Variants in SERTAD2 observed in about 807,000 individuals in gnomAD.
The protein encoded by SERTAD2 is SERTA domain-containing protein 2.
In SERTAD2, 2 loss-of-function variants were observed where a neutral mutation model predicts 15.4. That is an observed-to-expected ratio of 0.13 (90% CI 0.05 to 0.41). SERTAD2 has a LOEUF of 0.41. Ranked by LOEUF, SERTAD2 falls within the 10% of genes least tolerant of loss-of-function variation. The pLI, the probability that SERTAD2 is intolerant of heterozygous loss-of-function variation, is 0.99. For synonymous variants in SERTAD2, 180 were observed against 178.0 expected, an observed-to-expected ratio of 1.01 and a Z score of -0.09; for missense variants, 333 against 409.7, an observed-to-expected ratio of 0.81 and a Z score of 1.62.
chr2:64,635,923 G>C lies in SERTAD2; in HGVS notation c.*4C>G, dbSNP rs1674646618. The C allele has an allele frequency of 3.7e-6, 6 of 1,607,154 alleles. No homozygotes were observed. The East Asian group carries it at 1.3e-4, about 36-fold the overall frequency. On this transcript the variant is annotated 3_prime_UTR_variant, in exon 2 of 2. Coordinates refer to ENST00000313349, the MANE Select transcript of SERTAD2 (RefSeq NM_014755.3). ...GGTGGGCATAGTCGCTGGGTCCCTG[G>C]GTCTTAGGACCCAACAAGCACCTCC...
At chr2:64,640,396 T>A (rs1001209253) in intron 1 of SERTAD2, among the ~76,000 whole-genome samples, 38 of 152,322 alleles carry the variant, frequency 2.5e-4, no homozygotes, top group African/African-American at 8.9e-4. Flanking sequence ...GCCAGGCGCA[T>A]CAGCCCCTCC....
chr2:64,635,325 C>A lies in SERTAD2; in HGVS notation c.*602G>T, dbSNP rs1227189395. The stretch of plus-strand genomic sequence containing the variant: ...ATAGCTATCTCATATGTATAAACAG[C>A]ATTTGTTTTTAGAAAAACAATATCA... On this transcript the variant is annotated 3_prime_UTR_variant, in exon 2 of 2. Coordinates refer to ENST00000313349, the MANE Select transcript of SERTAD2 (RefSeq NM_014755.3). The A allele has an allele frequency of 6.6e-6, 1 of 152,636 alleles. No individual in the cohort carries two copies. Among genetic ancestry groups the A allele is most frequent in the Non-Finnish European group, 1.5e-5 (1 of 68,062 alleles). 9.5% of individuals were successfully genotyped at this position (152,636 alleles called of 1,614,324 possible).
chr2:64,652,424 C>T (rs915255686), intron 1 of SERTAD2, among the ~76,000 whole-genome samples: 3 of 152,222 alleles, frequency 2.0e-5, no homozygotes, highest in African/African-American at 7.2e-5. Context: ...TCACTCTTGT[C>T]AGGGACTAGT....
intron 1 of SERTAD2, among the ~76,000 whole-genome samples, chr2:64,647,315 C>T (rs937547830): frequency 6.6e-6 from 1 of 151,994 alleles, no homozygotes; most frequent in Non-Finnish European, 1.5e-5. Context: ...TGTGATACTA[C>T]TTCATAATAA....
intron 1 of SERTAD2, among the ~76,000 whole-genome samples, chr2:64,638,729 C>T (rs563742143): frequency 1.3e-5 from 2 of 152,174 alleles, no homozygotes; most frequent in Admixed American, 1.3e-4. Flanking sequence ...AATGACCAGT[C>T]CAGTAATTAA....
intron 1 of SERTAD2, among the ~76,000 whole-genome samples, chr2:64,652,340 C>A (rs971206776): frequency 6.6e-6 from 1 of 152,086 alleles, no homozygotes; most frequent in Non-Finnish European, 1.5e-5. Flanking sequence ...TACCCCCAAC[C>A]CCCATCGGCC....
At chr2:64,637,504 G>C in intron 1 of SERTAD2, among the ~76,000 whole-genome samples, 1 of 152,094 alleles carries the variant, frequency 6.6e-6, no homozygotes, top group East Asian at 1.9e-4. Context: ...CACAGTGACT[G>C]AGCCGCCGCC....
At chr2:64,643,523 A>G (rs541663270) in intron 1 of SERTAD2, among the ~76,000 whole-genome samples, 1 of 152,350 alleles carries the variant, frequency 6.6e-6, no homozygotes, top group East Asian at 1.9e-4. Context: ...TCAAAACGCT[A>G]GCTAACAGCT....
intron 1 of SERTAD2, among the ~76,000 whole-genome samples, chr2:64,640,317 C>T (rs1028181844): frequency 3.9e-5 from 6 of 152,160 alleles, no homozygotes; most frequent in African/African-American, 1.4e-4. Flanking sequence ...GTAACAACCA[C>T]CTCCTTAAGC....
chr2:64,644,576 C>A (rs2104347821), intron 1 of SERTAD2: 1 of 152,354 alleles, frequency 6.6e-6, no homozygotes, highest in Admixed American at 6.5e-5. Flanking sequence ...AGACAACTTT[C>A]TACACTTCAA....
intron 1 of SERTAD2, among the ~76,000 whole-genome samples, chr2:64,639,113 TTTATG>T (rs1674718733): frequency 6.6e-6 from 1 of 152,248 alleles, no homozygotes. Context: ...AGTTCTAAGA[TTTATG>T]TTATGTTATA....
At chr2:64,637,750 C>T (rs1372486350) in intron 1 of SERTAD2, among the ~76,000 whole-genome samples, 1 of 152,230 alleles carries the variant, frequency 6.6e-6, no homozygotes, top group Non-Finnish European at 1.5e-5. Flanking sequence ...ATCTCAGACC[C>T]TGAGAATCTG....
intron 1 of SERTAD2, 63 bp from the exon 2 acceptor site, chr2:64,636,938 A>G: frequency 1.6e-6 from 2 of 1,230,848 alleles, no homozygotes; most frequent in East Asian, 2.3e-5. Flanking sequence ...CCCATAAAAA[A>G]AGAGACTGAT....
At chr2:64,638,203 T>C (rs569797201) in intron 1 of SERTAD2, among the ~76,000 whole-genome samples, 15 of 152,338 alleles carry the variant, frequency 9.8e-5, no homozygotes, top group Admixed American at 2.6e-4. Flanking sequence ...TTGTAGTTAT[T>C]CAATTTCTCT....
chr2:64,633,542 G>A lies in SERTAD2; in HGVS notation c.*2385C>T, dbSNP rs999884105. 2.6e-5 allele frequency: 4 copies of A among 152,244 alleles called. No homozygotes were observed. Among genetic ancestry groups the A allele is most frequent in the Admixed American group, 2.0e-4 (3 of 15,286 alleles). The allele number at this position is 152,244 out of a possible 1,614,324, so 9.4% of individuals were successfully genotyped here. A position where few individuals can be genotyped will look rare whatever the true frequency, so the allele number is the denominator to read the frequency against. On this transcript the variant is annotated 3_prime_UTR_variant, in exon 2 of 2. Coordinates refer to ENST00000313349, the MANE Select transcript of SERTAD2 (RefSeq NM_014755.3). ...CAGAATCATCAATACTATTGTATATGTGTACGTAGGTAGATGTGTGCAGCA... is the reference window on the plus strand; with the variant it reads ...CAGAATCATCAATACTATTGTATATATGTACGTAGGTAGATGTGTGCAGCA...
At chr2:64,644,909 G>T (rs983286051) in intron 1 of SERTAD2, 2 of 152,252 alleles carry the variant, frequency 1.3e-5, no homozygotes, top group Admixed American at 6.5e-5. Flanking sequence ...CTGGCCCAGG[G>T]GAGTGGGCAA....
At chr2:64,648,079 G>C (rs1674942304) in intron 1 of SERTAD2, among the ~76,000 whole-genome samples, 2 of 152,130 alleles carry the variant, frequency 1.3e-5, no homozygotes, top group Admixed American at 6.5e-5. Context: ...ACATTGTATT[G>C]TACGGCCTAA....
chr2:64,653,624 T>A lies in SERTAD2; in HGVS notation c.-9A>T, dbSNP rs1675064222. On this transcript the variant is annotated 5_prime_UTR_variant, in exon 1 of 2. It removes an upstream start codon present in the reference 5' UTR. Transcript: ENST00000313349. The stretch of plus-strand genomic sequence containing the variant: ...CCCGACGCCGGGAGAACTTACCACA[T>A]GCAGCTCCACCTGGGAACTAACGCA... The A allele has an allele frequency of 6.6e-6, 1 of 152,410 alleles. No individual in the cohort carries two copies. Among genetic ancestry groups the A allele is most frequent in the Admixed American group, 6.5e-5 (1 of 15,280 alleles). 9.4% of individuals were successfully genotyped at this position (152,410 alleles called of 1,614,324 possible). A position where few individuals can be genotyped will look rare whatever the true frequency, so the allele number is the denominator to read the frequency against.
chr2:64,637,073 T>C (rs1674677982), intron 1 of SERTAD2, among the ~76,000 whole-genome samples, 198 bp from the exon 2 acceptor site: 1 of 152,210 alleles, frequency 6.6e-6, no homozygotes, highest in Non-Finnish European at 1.5e-5. Context: ...TCCACCTTTG[T>C]ATGCCTGTGG....
Sources: gnomAD v4.1 joint callset for allele counts (sites outside exome capture counted in the v4.1 genomes callset) on GRCh38, gnomAD v4.1.1 for gene constraint, MANE v1.5 for transcripts, NCBI Gene and HGNC (gene_info 2026-07-23, HGNC 2026-07-21) for gene names.